Variants in MYH9 observed in about 807,000 individuals in gnomAD.
The protein encoded by MYH9 is myosin heavy chain 9.
In MYH9, 29 loss-of-function variants were observed where a neutral mutation model predicts 241.9. The ratio of observed to expected loss-of-function variants is 0.12; its 90% CI spans 0.09 to 0.16. The LOEUF is 0.16. MYH9 is among the 10% of genes least tolerant of loss of function. MYH9 has a pLI of 1.00. For synonymous variants in MYH9, 1,047 were observed against 1,062.6 expected (o/e 0.99, Z 0.29); for missense variants, 1,803 against 2,595.5 (o/e 0.69, Z 6.63).
intron 1 of MYH9, among the ~76,000 whole-genome samples, chr22:36,356,912 T>C (rs971381067): frequency 2.6e-5 from 4 of 152,238 alleles, no homozygotes; most frequent in African/African-American, 4.8e-5. Context: ...AGATCTGCCA[T>C]GTGGATGAAT....
intron 3 of MYH9, among the ~76,000 whole-genome samples, chr22:36,328,280 C>T (rs1244829622): frequency 3.9e-5 from 6 of 152,232 alleles, no homozygotes; most frequent in African/African-American, 1.4e-4. Flanking sequence ...TATAAATACC[C>T]ACCCTCCCCC....
intron 31 of MYH9, among the ~76,000 whole-genome samples, chr22:36,290,195 A>G (rs2016662986): frequency 6.6e-6 from 1 of 152,144 alleles, no homozygotes; most frequent in Non-Finnish European, 1.5e-5. Context: ...CCCTGTCACT[A>G]TGAAAAACAT....
intron 1 of MYH9, among the ~76,000 whole-genome samples, chr22:36,386,688 TG>T (rs1250381619): frequency 6.6e-6 from 1 of 151,820 alleles, no homozygotes; most frequent in African/African-American, 2.4e-5. Context: ...ACCGGCTGGG[TG>T]GGGCCGTGCG....
intron 13 of MYH9, among the ~76,000 whole-genome samples, chr22:36,313,054 C>G (rs1387960311): frequency 6.7e-6 from 1 of 150,372 alleles, no homozygotes; most frequent in Admixed American, 6.7e-5. Flanking sequence ...CACGCCATTG[C>G]ACTCCAGCCT....
rs976333332 is a variant in MYH9 at position 36,291,239 on chromosome 22, G to C, written c.4344+747C>G. The stretch of plus-strand genomic sequence containing the variant: ...AATGGCGGTTTTGTGGAATAGAAAG[G>C]GGGGAAAGGTGGGGAAAAGATTGAG... On this transcript the variant is annotated intron_variant, in intron 31 of 40. Transcript: ENST00000216181. Among the ~76,000 whole-genome samples the C allele has an allele frequency of 8.5e-5, 13 of 152,340 alleles. 1 individual carries two copies. The highest frequency in any genetic ancestry group is 2.6e-4 in the African/African-American group (11 of 41,572).
At chr22:36,299,242 T>C (rs1041916272) in intron 23 of MYH9, among the ~76,000 whole-genome samples, 200 bp from the exon 24 acceptor site, 4 of 151,926 alleles carry the variant, frequency 2.6e-5, no homozygotes, top group African/African-American at 9.7e-5. Context: ...GTACGCTTCC[T>C]TAGAACCAAA....
Position 36,288,158 on chromosome 22 carries a change from C to G in MYH9, c.4932+94G>C, listed in dbSNP as rs959694409. ...ACCTTCCCAGGAGGTGCCACCCTGC[C>G]AGGTTCCCGCCCTGGGCCGAGCCCT... On this transcript the variant is annotated intron_variant, in intron 34 of 40. Coordinates refer to ENST00000216181, the MANE Select transcript of MYH9 (RefSeq NM_002473.6). The surrounding 1 kb of genome is among the most constrained non-coding windows in gnomAD (Gnocchi z 4.8). 7 of 1,518,106 alleles carry G rather than the reference C, an allele frequency of 4.6e-6. No individual in the cohort carries two copies. The highest frequency in any genetic ancestry group is 6.3e-6 in the Non-Finnish European group (7 of 1,106,768). The allele number at this position is 1,518,106 out of a possible 1,614,324, so 94.0% of individuals were successfully genotyped here. A position where few individuals can be genotyped will look rare whatever the true frequency, so the allele number is the denominator to read the frequency against.
chr22:36,350,679 C>T (rs2017751275), intron 1 of MYH9, among the ~76,000 whole-genome samples: 2 of 152,246 alleles, frequency 1.3e-5, no homozygotes, highest in South Asian at 4.1e-4. Context: ...ATTATTACCA[C>T]CAATTTACAG....
chr22:36,304,925 C>T lies in MYH9; in HGVS notation c.2229+108G>A, dbSNP rs530924153. On this transcript the variant is annotated intron_variant, in intron 18 of 40. Coordinates refer to ENST00000216181, the MANE Select transcript of MYH9 (RefSeq NM_002473.6). Reference sequence around the variant, plus strand: ...CGCGGAGCATCAGAAGGGACACAGCCTGGGCATCCACCGACCACTGATATA... The same window carrying T: ...CGCGGAGCATCAGAAGGGACACAGCTTGGGCATCCACCGACCACTGATATA... 170 of 1,126,106 alleles carry T rather than the reference C, an allele frequency of 1.5e-4. No homozygotes were observed. In the African/African-American group the frequency reaches 2.3e-3, roughly 15 times the overall value. 69.8% of individuals were successfully genotyped at this position (1,126,106 alleles called of 1,614,324 possible).
rs1385542777 is a variant in MYH9 at position 36,284,083 on chromosome 22, GGCGGCTCACC to G, written c.5765_5765+9del. 1 of 1,480,574 alleles carries G rather than the reference GGCGGCTCACC, an allele frequency of 6.8e-7. No homozygotes were observed. The highest frequency in any genetic ancestry group is 9.4e-7 in the Non-Finnish European group (1 of 1,065,342). The allele number at this position is 1,480,574 out of a possible 1,614,324, so 91.7% of individuals were successfully genotyped here. Reference sequence around the variant, plus strand: ...CCGAGGCAAAGGGGCGGGTGGGCAGGGCGGCTCACCTGAGCTTGTTCTTTAGGGAGCTGAC... The same window carrying G: ...CCGAGGCAAAGGGGCGGGTGGGCAGGTGAGCTTGTTCTTTAGGGAGCTGAC... On this transcript the variant is annotated splice_donor_variant and splice_donor_5th_base_variant and coding_sequence_variant and intron_variant, in exon 40 of 41. Coordinates refer to ENST00000216181, the MANE Select transcript of MYH9 (RefSeq NM_002473.6). LOFTEE classifies it high-confidence loss of function.
At chr22:36,308,797 C>T (rs1357386237) in intron 15 of MYH9, 7 of 983,800 alleles carry the variant, frequency 7.1e-6, no homozygotes, top group South Asian at 4.7e-5. Context: ...ACCACTCGGG[C>T]GGCCAGTCAC....
Position 36,330,178 on chromosome 22 carries a change from G to A in MYH9, c.491-2690C>T, listed in dbSNP as rs34838623. On this transcript the variant is annotated intron_variant, in intron 3 of 40. Transcript: ENST00000216181. The surrounding 1 kb of genome is among the most constrained non-coding windows in gnomAD (Gnocchi z 4.5). ...CAGCCTTCCCCGTCCAATTCCTGAA[G>A]CCAATTTACCACTGTCAACACAGCC... is the stretch of plus-strand genomic sequence containing the variant. Among the ~76,000 whole-genome samples the A allele has an allele frequency of 6.9e-3, 1,055 of 152,304 alleles. 2 individuals are homozygous for A. Among genetic ancestry groups the A allele is most frequent in the Non-Finnish European group, 0.011 (748 of 68,014 alleles).
At chr22:36,351,944 A>G (rs926776831) in intron 1 of MYH9, among the ~76,000 whole-genome samples, 1 of 151,834 alleles carries the variant, frequency 6.6e-6, no homozygotes, top group Non-Finnish European at 1.5e-5. Flanking sequence ...CAGTTTATTC[A>G]CCACCTCACC....
intron 3 of MYH9, among the ~76,000 whole-genome samples, chr22:36,333,183 G>C (rs1222379554): frequency 6.6e-6 from 1 of 152,226 alleles, no homozygotes; most frequent in Non-Finnish European, 1.5e-5. Flanking sequence ...GGCCTGCAAA[G>C]ACAGCAACCA....
rs558722263 is a variant in MYH9, at chr22:36,322,272, G to A, written c.705+157C>T. Among the ~76,000 whole-genome samples, 3 of 152,358 alleles carry A rather than the reference G, an allele frequency of 2.0e-5. No homozygotes were observed. In the South Asian group the frequency reaches 6.2e-4, roughly 32 times the overall value. On this transcript the variant is annotated intron_variant, in intron 6 of 40. Coordinates refer to ENST00000216181, the MANE Select transcript of MYH9 (RefSeq NM_002473.6). ...GGGCAGGGCAGGTCCACACCAACTGGCATTCGGTCTGGCCTAGTCCACACG... is the reference window on the plus strand; with the variant it reads ...GGGCAGGGCAGGTCCACACCAACTGACATTCGGTCTGGCCTAGTCCACACG...
chr22:36,377,494 T>C (rs749344537), intron 1 of MYH9, among the ~76,000 whole-genome samples: 3 of 152,146 alleles, frequency 2.0e-5, no homozygotes, highest in Non-Finnish European at 2.9e-5. Context: ...GATGCAAAAG[T>C]TGCAGGCATC....
In MYH9 at chr22:36,300,259, A is replaced by C. The variant is rs763022319; in HGVS notation, c.2844T>G (p.Leu948=). ...TCTCCTCCTCCTCCAGCTGCTCCTCAAGCTCCTGCCGGGGGCCAGAGACAC... is the reference window on the plus strand; with the variant it reads ...TCTCCTCCTCCTCCAGCTGCTCCTCCAGCTCCTGCCGGGGGCCAGAGACAC... ...KKKMQQNIQE[L]EEQLEEEESA... Residue 948 remains leucine, a synonymous_variant, in exon 23 of 41, where the codon CTT becomes CTG. Transcript: ENST00000216181. The surrounding 1 kb of genome is among the most constrained non-coding windows in gnomAD (Gnocchi z 5.0). 3.8e-5 allele frequency: 62 copies of C among 1,612,794 alleles called. No individual in the cohort carries two copies. The highest frequency in any genetic ancestry group is 4.9e-5 in the Non-Finnish European group (58 of 1,179,954).
chr22:36,380,895 G>A (rs1037809105), intron 1 of MYH9, among the ~76,000 whole-genome samples: 1 of 152,154 alleles, frequency 6.6e-6, no homozygotes. Context: ...ATCCCAAAAC[G>A]CTTTCCAGAC....
intron 1 of MYH9, among the ~76,000 whole-genome samples, chr22:36,376,352 C>T (rs1263309261): frequency 2.0e-5 from 3 of 152,168 alleles, no homozygotes; most frequent in Admixed American, 1.3e-4. Context: ...TCCCATCCTC[C>T]CTCCTCCTCC....
Sources: gnomAD v4.1 joint callset for allele counts (sites outside exome capture counted in the v4.1 genomes callset) on GRCh38, gnomAD v4.1.1 for gene constraint, Gnocchi (gnomAD v3.1) non-coding constraint, MANE v1.5 for transcripts, NCBI Gene and HGNC (gene_info 2026-07-23, HGNC 2026-07-21) for gene names.